FAM118B: variants seen among roughly 807,000 people sequenced by gnomAD.
FAM118B encodes the protein protein FAM118B.
FAM118B carries 24 observed loss-of-function variants against 38.5 expected under a neutral mutation model. The ratio of observed to expected loss-of-function variants is 0.62; its 90% CI spans 0.45 to 0.88. FAM118B has a LOEUF of 0.88. Ranked by LOEUF, FAM118B falls within the 40% of genes least tolerant of loss-of-function variation. FAM118B has a pLI of 0.00. For synonymous variants in FAM118B, 138 were observed against 156.3 expected (o/e 0.88, Z 0.87); for missense variants, 334 against 420.0 (o/e 0.80, Z 1.79).
chr11:126,230,329 T>C (rs1465865559), intron 2 of FAM118B, among the ~76,000 whole-genome samples: 1 of 152,236 alleles, frequency 6.6e-6, no homozygotes, highest in Non-Finnish European at 1.5e-5. Flanking sequence ...TATCTTTCCC[T>C]TCCTCCCAAA....
At position 126,261,150 on chromosome 11, in the gene FAM118B, TATGTGAA is replaced by T. The variant is rs544443149; in HGVS notation, c.983-270_983-264del. The T allele has an allele frequency of 8.4e-3, 2,153 of 255,152 alleles. 29 individuals are homozygous for T. Among genetic ancestry groups the T allele is most frequent in the Non-Finnish European group, 8.3e-3 (1,172 of 141,114 alleles). 15.8% of individuals were successfully genotyped at this position (255,152 alleles called of 1,614,324 possible). The stretch of plus-strand genomic sequence containing the variant: ...AGGGACAGCAGACACATGTTGCCTG[TATGTGAA>T]ATGTAAAATGTAAAATGTAAAATGT... On this transcript the variant is annotated intron_variant, in intron 7 of 8. Transcript: ENST00000533050.
chr11:126,258,802 G>A (rs1031054778), intron 7 of FAM118B, among the ~76,000 whole-genome samples: 18 of 152,274 alleles, frequency 1.2e-4, no homozygotes, highest in African/African-American at 2.6e-4. Flanking sequence ...AGCAAAATCC[G>A]TCTGCATAAC....
At position 126,250,457 on chromosome 11, in the gene FAM118B, C is replaced by T. The variant is rs1341821924; in HGVS notation, c.340-49C>T. 4 of 1,306,732 alleles carry T rather than the reference C, an allele frequency of 3.1e-6. No homozygotes were observed. The South Asian group carries it at 5.0e-5, about 16-fold the overall frequency. 80.9% of individuals were successfully genotyped at this position (1,306,732 alleles called of 1,614,324 possible). A position where few individuals can be genotyped will look rare whatever the true frequency, so the allele number is the denominator to read the frequency against. On this transcript the variant is annotated intron_variant, in intron 4 of 8. Coordinates refer to ENST00000533050, the MANE Select transcript of FAM118B (RefSeq NM_024556.4). This position sits in a 1 kb window ranked among gnomAD's most constrained non-coding sequence, Gnocchi z 5.1. ...TTACTGCTGTAACTAAAACAACTGA[C>T]CTACCAAAGCACTTTGGACTAATTT...
intron 7 of FAM118B, chr11:126,261,121 G>GT (rs1481837529): frequency 3.1e-6 from 1 of 320,050 alleles, no homozygotes; most frequent in East Asian, 5.9e-5. Context: ...CCTCTAGACT[G>GT]TTTAGGGACA....
chr11:126,255,294 T>C lies in FAM118B; in HGVS notation c.696+861T>C, dbSNP rs1009865714. Among the ~76,000 whole-genome samples, 54 of 152,226 alleles carry C rather than the reference T, an allele frequency of 3.5e-4. No homozygotes were observed. The highest frequency in any genetic ancestry group is 1.3e-3 in the African/African-American group (52 of 41,462). On this transcript the variant is annotated intron_variant, in intron 6 of 8. Transcript: ENST00000533050. This position sits in a 1 kb window ranked among gnomAD's most constrained non-coding sequence, Gnocchi z 4.6. ...AGCTCTAAGAATCTTGTTTGCTGTT[T>C]TCAGGACTGGGTCATATAGATTATA... is the stretch of plus-strand genomic sequence containing the variant.
At chr11:126,254,517 T>C (rs1950548545) in intron 6 of FAM118B, 84 bp downstream of exon 6, 4 of 1,546,100 alleles carry the variant, frequency 2.6e-6, no homozygotes, top group Non-Finnish European at 3.5e-6. Context: ...AAGGGGAACA[T>C]CTTCTTTTCA....
rs142524179 is a variant in FAM118B, at chr11:126,249,137, C to G, written c.340-1369C>G. On this transcript the variant is annotated intron_variant, in intron 4 of 8. Coordinates refer to ENST00000533050, the MANE Select transcript of FAM118B (RefSeq NM_024556.4). ...CCCATAATCCCAACACTTTGGGAGG[C>G]TGAGGTGGGAGGATCACTTGAGATC... Among the ~76,000 whole-genome samples the G allele has an allele frequency of 4.3e-4, 65 of 152,228 alleles. 5 individuals are homozygous for G. The East Asian group carries it at 0.012, about 28-fold the overall frequency.
rs566640365 is a variant in FAM118B at position 126,233,997 on chromosome 11, G to A, written c.-7-998G>A. Among the ~76,000 whole-genome samples, 16 of 152,168 alleles carry A rather than the reference G, an allele frequency of 1.1e-4. No individual in the cohort carries two copies. The East Asian group carries it at 2.9e-3, about 28-fold the overall frequency. On this transcript the variant is annotated intron_variant, in intron 2 of 8. Transcript: ENST00000533050. ...ATGGAGAGGCTGAGGTGGGTTGATCGCTTGAGCCCAGGAGGCCGAGACTGC... is the reference window on the plus strand; with the variant it reads ...ATGGAGAGGCTGAGGTGGGTTGATCACTTGAGCCCAGGAGGCCGAGACTGC...
intron 3 of FAM118B, among the ~76,000 whole-genome samples, chr11:126,238,171 G>A (rs1320922594): frequency 6.6e-6 from 1 of 152,184 alleles, no homozygotes. Flanking sequence ...AGACCAGCCT[G>A]GCCAACCTGG....
Position 126,244,716 on chromosome 11 carries a change from A to G in FAM118B, c.339+3672A>G, listed in dbSNP as rs1950399662. Reference sequence around the variant, plus strand: ...CTACTCGGGAGGTGGAGGCAGGAGAATCACTTGAACCTGGGAGCAGAGGTT... The same window carrying G: ...CTACTCGGGAGGTGGAGGCAGGAGAGTCACTTGAACCTGGGAGCAGAGGTT... On this transcript the variant is annotated intron_variant, in intron 4 of 8. Coordinates refer to ENST00000533050, the MANE Select transcript of FAM118B (RefSeq NM_024556.4). The surrounding 1 kb of genome is among the most constrained non-coding windows in gnomAD (Gnocchi z 4.5). Among the ~76,000 whole-genome samples the G allele has an allele frequency of 6.6e-6, 1 of 152,136 alleles. No individual in the cohort carries two copies. The highest frequency in any genetic ancestry group is 6.6e-5 in the Admixed American group (1 of 15,266).
chr11:126,234,722 G>C (rs527883049), intron 2 of FAM118B, among the ~76,000 whole-genome samples: 2 of 152,116 alleles, frequency 1.3e-5, no homozygotes, highest in Non-Finnish European at 2.9e-5. Context: ...CACTGTTTTT[G>C]GTGGGAACTT....
intron 3 of FAM118B, among the ~76,000 whole-genome samples, chr11:126,236,223 T>C (rs1018641269): frequency 6.6e-6 from 1 of 152,234 alleles, no homozygotes; most frequent in Non-Finnish European, 1.5e-5. Context: ...GTGCACGCCT[T>C]TGTTTTCCTG....
chr11:126,229,631 C>T (rs1042302728), intron 2 of FAM118B, among the ~76,000 whole-genome samples: 22 of 152,066 alleles, frequency 1.4e-4, no homozygotes, highest in African/African-American at 4.6e-4. Flanking sequence ...TTAGTAGAGA[C>T]GGGGTTTCAC....
intron 3 of FAM118B, among the ~76,000 whole-genome samples, chr11:126,239,168 TC>T (rs1950322104): frequency 6.6e-6 from 1 of 151,884 alleles, no homozygotes; most frequent in Non-Finnish European, 1.5e-5. Flanking sequence ...AGAGATGGGG[TC>T]TCACTAAGTT....
chr11:126,226,029 C>A (rs191028918), intron 1 of FAM118B, among the ~76,000 whole-genome samples: 19 of 152,002 alleles, frequency 1.2e-4, no homozygotes, highest in African/African-American at 4.6e-4. Flanking sequence ...GCATGGAAGG[C>A]AAAAAATAGT....
Position 126,255,887 on chromosome 11 carries a change from A to C in FAM118B, c.697-680A>C, listed in dbSNP as rs913006522. Among the ~76,000 whole-genome samples the C allele has an allele frequency of 1.3e-5, 2 of 152,116 alleles. No individual in the cohort carries two copies. Among genetic ancestry groups the C allele is most frequent in the Admixed American group, 1.3e-4 (2 of 15,278 alleles). On this transcript the variant is annotated intron_variant, in intron 6 of 8. Transcript: ENST00000533050. This position sits in a 1 kb window ranked among gnomAD's most constrained non-coding sequence, Gnocchi z 4.6. ...AGAATCGCTTGAACCTGGGAGGCAG[A>C]GGAGGTTGCAGTGAGCCAAGACCAT...
chr11:126,247,091 G>A (rs1259210660), intron 4 of FAM118B, among the ~76,000 whole-genome samples: 1 of 152,158 alleles, frequency 6.6e-6, no homozygotes, highest in Non-Finnish European at 1.5e-5. Context: ...CCAGAAGTTT[G>A]AGAACAGCTT....
intron 7 of FAM118B, 22 bp from the exon 8 acceptor site, chr11:126,261,403 G>A: frequency 6.2e-7 from 1 of 1,610,294 alleles, no homozygotes; most frequent in Non-Finnish European, 8.5e-7. Flanking sequence ...TCTAATGTCT[G>A]ATGCTGATGT....
At chr11:126,217,420 C>T (rs1949994443) in intron 1 of FAM118B, among the ~76,000 whole-genome samples, 1 of 152,200 alleles carries the variant, frequency 6.6e-6, no homozygotes, top group African/African-American at 2.4e-5. Context: ...CTTTTATGTA[C>T]TTACACCTCT....
Sources: gnomAD v4.1 joint callset for allele counts (sites outside exome capture counted in the v4.1 genomes callset) on GRCh38, gnomAD v4.1.1 for gene constraint, Gnocchi (gnomAD v3.1) non-coding constraint, MANE v1.5 for transcripts, NCBI Gene and HGNC (gene_info 2026-07-23, HGNC 2026-07-21) for gene names.